VWC2L: variants seen among roughly 807,000 people sequenced by gnomAD.
VWC2L encodes the protein von Willebrand factor C domain-containing protein 2-like.
In VWC2L, 10 loss-of-function variants were observed where a neutral mutation model predicts 21.6. The observed-to-expected ratio is 0.46, with a 90% CI of 0.29 to 0.78. VWC2L has a LOEUF of 0.78. Ranked by LOEUF, VWC2L falls within the 30% of genes least tolerant of loss-of-function variation. The pLI, the probability that VWC2L is intolerant of heterozygous loss-of-function variation, is 0.10. For missense variants in VWC2L, 209 were observed against 277.1 expected, an observed-to-expected ratio of 0.75 and a Z score of 1.74; for synonymous variants, 96 against 94.3, an observed-to-expected ratio of 1.02 and a Z score of -0.10.
At chr2:214,477,290 G>C (rs1480557753) in intron 3 of VWC2L, among the ~76,000 whole-genome samples, 1 of 152,176 alleles carries the variant, frequency 6.6e-6, no homozygotes, top group Admixed American at 6.6e-5. Context: ...AAGGAGCCAG[G>C]ATGTTCCCTC....
At chr2:214,412,910 A>C (rs1702299670) in intron 1 of VWC2L, among the ~76,000 whole-genome samples, 1 of 152,036 alleles carries the variant, frequency 6.6e-6, no homozygotes. Flanking sequence ...ATAGCATTTA[A>C]ATAAAAAAAT....
intron 3 of VWC2L, among the ~76,000 whole-genome samples, chr2:214,563,495 C>T (rs1326800330): frequency 8.1e-5 from 11 of 135,942 alleles, no homozygotes; most frequent in East Asian, 6.5e-4. Flanking sequence ...TGCAATGAGC[C>T]GAGATCCTGC....
chr2:214,519,674 C>A (rs189636308), intron 3 of VWC2L, among the ~76,000 whole-genome samples: 71 of 152,280 alleles, frequency 4.7e-4, no homozygotes, highest in African/African-American at 1.5e-3. Flanking sequence ...AAAAGCCTTT[C>A]GCTTCCTCCG....
chr2:214,523,942 C>T (rs922860281), intron 3 of VWC2L, among the ~76,000 whole-genome samples: 11 of 152,070 alleles, frequency 7.2e-5, no homozygotes, highest in Admixed American at 5.2e-4. Flanking sequence ...CTGTTAATTT[C>T]TGGGGTTTGT....
chr2:214,413,989 A>AACTT, intron 1 of VWC2L, 125 bp from the exon 2 acceptor site: 1 of 534,036 alleles, frequency 1.9e-6, no homozygotes, highest in South Asian at 3.0e-5. Flanking sequence ...TAGTTGCATG[A>AACTT]ACTTAGTCTA....
intron 3 of VWC2L, among the ~76,000 whole-genome samples, chr2:214,477,666 C>T (rs186001204): frequency 6.6e-6 from 1 of 152,300 alleles, no homozygotes; most frequent in Admixed American, 6.5e-5. Flanking sequence ...AAATATTATA[C>T]CTCTTGCCTA....
At chr2:214,441,761 T>C (rs905189559) in intron 3 of VWC2L, among the ~76,000 whole-genome samples, 8 of 151,978 alleles carry the variant, frequency 5.3e-5, no homozygotes, top group Non-Finnish European at 1.2e-4. Flanking sequence ...TTTACTGCCA[T>C]GTAAAATAAA....
At chr2:214,492,388 A>G (rs1290297884) in intron 3 of VWC2L, among the ~76,000 whole-genome samples, 1 of 152,218 alleles carries the variant, frequency 6.6e-6, no homozygotes, top group East Asian at 1.9e-4. Context: ...TGCCGCTGAG[A>G]CAAGCACCTT....
intron 3 of VWC2L, among the ~76,000 whole-genome samples, chr2:214,481,915 A>G (rs1302697800): frequency 6.6e-6 from 1 of 152,204 alleles, no homozygotes; most frequent in East Asian, 1.9e-4. Context: ...ATAATTTTGT[A>G]AATGTTCTTA....
rs1432163399 is a variant in VWC2L at position 214,434,572 on chromosome 2, C to T, written c.391-2057C>T. Among the ~76,000 whole-genome samples the T allele has an allele frequency of 2.0e-5, 3 of 152,146 alleles. No homozygotes were observed. The East Asian group carries it at 5.8e-4, about 29-fold the overall frequency. On this transcript the variant is annotated intron_variant, in intron 2 of 3. Coordinates refer to ENST00000312504, the MANE Select transcript of VWC2L (RefSeq NM_001080500.4). ...ATTCAAATCCTGCCTTTGCCTCTTA[C>T]TACCATAGGCCCTGGGAAAGTTATT...
At chr2:214,460,261 A>G (rs565397548) in intron 3 of VWC2L, among the ~76,000 whole-genome samples, 2 of 152,110 alleles carry the variant, frequency 1.3e-5, no homozygotes, top group Non-Finnish European at 2.9e-5. Flanking sequence ...AATTGTGCCT[A>G]TTTGGAGGTT....
chr2:214,427,216 AAAAC>A (rs1702537555), intron 2 of VWC2L, among the ~76,000 whole-genome samples: 2 of 152,218 alleles, frequency 1.3e-5, no homozygotes, highest in South Asian at 4.1e-4. Context: ...GACAGAGAAA[AAAAC>A]AAAATTGTTC....
At chr2:214,451,693 G>A (rs1702956754) in intron 3 of VWC2L, among the ~76,000 whole-genome samples, 1 of 152,076 alleles carries the variant, frequency 6.6e-6, no homozygotes, top group Non-Finnish European at 1.5e-5. Flanking sequence ...GAAAGGAAAG[G>A]CAATGTGAGA....
chr2:214,450,585 A>C (rs1702939039), intron 3 of VWC2L, among the ~76,000 whole-genome samples: 4 of 152,226 alleles, frequency 2.6e-5, no homozygotes, highest in Admixed American at 2.6e-4. Flanking sequence ...ACTAGGTCAT[A>C]AAATATGGAC....
At chr2:214,496,329 T>C (rs974319638) in intron 3 of VWC2L, among the ~76,000 whole-genome samples, 1 of 139,778 alleles carries the variant, frequency 7.2e-6, no homozygotes, top group Admixed American at 7.3e-5. Context: ...AAAGATGCAA[T>C]AGAATGGCTG....
At chr2:214,535,992 T>G (rs1196903252) in intron 3 of VWC2L, among the ~76,000 whole-genome samples, 1 of 152,100 alleles carries the variant, frequency 6.6e-6, no homozygotes, top group Non-Finnish European at 1.5e-5. Context: ...CCCATTTAAA[T>G]TTCCTTCCAC....
chr2:214,544,133 G>A (rs1689669040), intron 3 of VWC2L, among the ~76,000 whole-genome samples: 1 of 152,128 alleles, frequency 6.6e-6, no homozygotes, highest in African/African-American at 2.4e-5. Flanking sequence ...TAGAATCCAT[G>A]GCTTCTGATT....
chr2:214,503,109 C>G (rs532189536), intron 3 of VWC2L, among the ~76,000 whole-genome samples: 3 of 152,180 alleles, frequency 2.0e-5, no homozygotes, highest in African/African-American at 7.2e-5. Flanking sequence ...ACCCAAGAAC[C>G]TGCAAATTAT....
chr2:214,461,456 T>C (rs1291291629), intron 3 of VWC2L, among the ~76,000 whole-genome samples: 1 of 152,152 alleles, frequency 6.6e-6, no homozygotes, highest in African/African-American at 2.4e-5. Flanking sequence ...CAGGTGAGTG[T>C]TGGCAGTAGT....
Sources: allele counts gnomAD v4.1 joint callset (sites outside exome capture counted in the v4.1 genomes callset), GRCh38; gene constraint gnomAD v4.1.1; transcripts MANE v1.5; gene names NCBI Gene and HGNC (gene_info 2026-07-23, HGNC 2026-07-21).